The following ASCC3 variants were observed in gnomAD, a reference collection of about 807,000 sequenced individuals.
ASCC3 encodes activating signal cointegrator 1 complex subunit 3, also known as ASC-1 complex subunit P200.
ASCC3 carries 158 observed loss-of-function variants against 256.3 expected under a neutral mutation model. That is an observed-to-expected ratio of 0.62 (90% confidence interval 0.54 to 0.70). The LOEUF (loss-of-function observed/expected upper bound fraction) is 0.70. ASCC3 is among the 30% of genes least tolerant of loss of function. The probability of loss-of-function intolerance (pLI) is 0.00; values close to 1 mark genes in which losing one functional copy is unlikely to be tolerated. For synonymous variants in ASCC3, 948 were observed against 883.4 expected, an observed-to-expected ratio of 1.07 and a Z score of -1.30; for missense variants, 2,259 against 2,626.0, an observed-to-expected ratio of 0.86 and a Z score of 3.05.
chr6:100,645,554 G>A (rs239241), intron 22 of ASCC3, among the ~76,000 whole-genome samples: 151,396 of 152,238 alleles, frequency 0.99, 75,284 homozygotes, highest in East Asian at 1. Flanking sequence ...TTACAATAAC[G>A]TGTGAAATAG....
At chr6:100,545,456 G>A (rs1327927349) in intron 36 of ASCC3, among the ~76,000 whole-genome samples, 2 of 152,192 alleles carry the variant, frequency 1.3e-5, no homozygotes, top group South Asian at 2.1e-4. Flanking sequence ...GATTACAGGC[G>A]TGAGCCACAG....
At chr6:100,724,074 A>G (rs1328064458) in intron 11 of ASCC3, among the ~76,000 whole-genome samples, 1 of 149,160 alleles carries the variant, frequency 6.7e-6, no homozygotes, top group Non-Finnish European at 1.5e-5. Context: ...CTTAGAGAAC[A>G]TAAACAATAA....
chr6:100,524,117 G>C (rs1459376444), intron 37 of ASCC3, among the ~76,000 whole-genome samples: 1 of 152,106 alleles, frequency 6.6e-6, no homozygotes, highest in South Asian at 2.1e-4. Context: ...TGAAGTTAAG[G>C]CTTGATTTTG....
intron 10 of ASCC3, among the ~76,000 whole-genome samples, chr6:100,735,299 A>T (rs193237011): frequency 1.3e-4 from 20 of 152,248 alleles, no homozygotes; most frequent in Admixed American, 1.1e-3. Context: ...TGCCAAAATG[A>T]TTTTACAACA....
intron 14 of ASCC3, among the ~76,000 whole-genome samples, chr6:100,678,266 A>G (rs1210059745): frequency 1.3e-5 from 2 of 152,278 alleles, no homozygotes; most frequent in African/African-American, 4.8e-5. Flanking sequence ...TTTAAACAGC[A>G]TAGAGTTGTT....
At chr6:100,719,404 C>T (rs1393801960) in intron 11 of ASCC3, among the ~76,000 whole-genome samples, 4 of 151,906 alleles carry the variant, frequency 2.6e-5, no homozygotes, top group African/African-American at 9.7e-5. Context: ...CTATGTAGTA[C>T]TAGTGGTGAT....
intron 8 of ASCC3, among the ~76,000 whole-genome samples, chr6:100,769,309 C>T (rs1488741336): frequency 1.3e-5 from 2 of 151,804 alleles, no homozygotes; most frequent in African/African-American, 2.4e-5. Flanking sequence ...TCTTATTACA[C>T]AGAAGACTAT....
intron 14 of ASCC3, among the ~76,000 whole-genome samples, chr6:100,677,267 C>T (rs1777071241): frequency 6.6e-6 from 1 of 151,850 alleles, no homozygotes. Flanking sequence ...GAGGGTTTCA[C>T]TCTTTAAAAT....
At chr6:100,781,463 G>A (rs535462573) in intron 8 of ASCC3, among the ~76,000 whole-genome samples, 7 of 151,726 alleles carry the variant, frequency 4.6e-5, no homozygotes, top group Admixed American at 1.3e-4. Flanking sequence ...GGCTCACTGC[G>A]CCCTCCGCCT....
chr6:100,592,113 A>G (rs971844935), intron 34 of ASCC3, among the ~76,000 whole-genome samples: 3 of 151,450 alleles, frequency 2.0e-5, no homozygotes, highest in Non-Finnish European at 3.0e-5. Context: ...CAGGGTAAAT[A>G]TATCTTAAAC....
In ASCC3 at chr6:100,574,395, G is replaced by A. The variant is rs142703200; in HGVS notation, c.5550+15239C>T. ...GAGACAGGACATTCAAAAGGTTCCC[G>A]GGAGATATAAATTCTAACACTGTCT... On this transcript the variant is annotated intron_variant, in intron 36 of 41. Transcript: ENST00000369162. 1.2e-3 allele frequency among the ~76,000 whole-genome samples: 186 copies of A among 152,056 alleles called. 1 individual carries two copies. The highest frequency in any genetic ancestry group is 6.8e-3 in the Middle Eastern group (2 of 294).
rs540167891 is a variant in ASCC3, at chr6:100,672,969, T to C, written c.2286+6649A>G. 2.5e-3 allele frequency among the ~76,000 whole-genome samples: 386 copies of C among 152,196 alleles called. 1 individual carries two copies. Among genetic ancestry groups the C allele is most frequent in the Non-Finnish European group, 4.4e-3 (298 of 67,952 alleles). Reference sequence around the variant, plus strand: ...ACGACAAAAAACAGTTTAAGGCTCATGTGTATATAAACAAGTCACAATCAC... The same window carrying C: ...ACGACAAAAAACAGTTTAAGGCTCACGTGTATATAAACAAGTCACAATCAC... On this transcript the variant is annotated intron_variant, in intron 14 of 41. Transcript: ENST00000369162.
chr6:100,562,548 T>C (rs1329706608), intron 36 of ASCC3, among the ~76,000 whole-genome samples: 1 of 152,106 alleles, frequency 6.6e-6, no homozygotes, highest in Non-Finnish European at 1.5e-5. Flanking sequence ...TATAGGTCTG[T>C]ATAAAAACAA....
chr6:100,629,774 T>C (rs890102301), intron 26 of ASCC3, among the ~76,000 whole-genome samples: 38 of 152,116 alleles, frequency 2.5e-4, no homozygotes, highest in African/African-American at 8.7e-4. Context: ...ATCACAGTCA[T>C]ATAGTGAGAG....
chr6:100,754,318 A>C (rs1781076730), intron 10 of ASCC3, among the ~76,000 whole-genome samples: 2 of 152,144 alleles, frequency 1.3e-5, no homozygotes, highest in Admixed American at 6.6e-5. Context: ...TAAAACATTG[A>C]CCTGGTGTTG....
chr6:100,525,156 C>CAAAAAAAAAAAAAAAAAAAA (rs57882047), intron 37 of ASCC3, among the ~76,000 whole-genome samples: 11 of 44,952 alleles, frequency 2.4e-4, no homozygotes, highest in Middle Eastern at 0.024. Flanking sequence ...GACCCTGTCT[C>CAAAAAAAAAAAAAAAAAAAA]AAAAAAAAAA....
intron 22 of ASCC3, among the ~76,000 whole-genome samples, chr6:100,646,236 A>T (rs1775372133): frequency 6.6e-6 from 1 of 152,082 alleles, no homozygotes; most frequent in Non-Finnish European, 1.5e-5. Flanking sequence ...AAGGAATCTC[A>T]CTCGTTGACA....
At chr6:100,580,137 T>C (rs1230419540) in intron 36 of ASCC3, among the ~76,000 whole-genome samples, 1 of 152,170 alleles carries the variant, frequency 6.6e-6, no homozygotes, top group East Asian at 1.9e-4. Context: ...TGAATGTTGT[T>C]GGTGTACAGA....
chr6:100,620,657 C>T (rs1773903632), intron 30 of ASCC3, among the ~76,000 whole-genome samples: 1 of 152,230 alleles, frequency 6.6e-6, no homozygotes, highest in South Asian at 2.1e-4. Context: ...AGACACACTG[C>T]TTCATAGTTG....
Sources: allele counts gnomAD v4.1 joint callset (sites outside exome capture counted in the v4.1 genomes callset), GRCh38; gene constraint gnomAD v4.1.1; transcripts MANE v1.5; gene names NCBI Gene and HGNC (gene_info 2026-07-23, HGNC 2026-07-21).